The following THADA variants were observed in gnomAD, a reference collection of about 807,000 sequenced individuals.
THADA encodes tRNA (32-2'-O)-methyltransferase regulator THADA.
Under a neutral mutation model 219.8 loss-of-function variants are expected in THADA, and 213 were observed. The ratio of observed to expected loss-of-function variants is 0.97; its 90% CI spans 0.87 to 1.09. The LOEUF (loss-of-function observed/expected upper bound fraction) is 1.09, where lower values mean the gene tolerates loss of function less well. Ranked by LOEUF, THADA falls within the 50% of genes least tolerant of loss-of-function variation. THADA has a pLI of 0.00. For synonymous variants in THADA, 1,018 were observed against 828.9 expected (o/e 1.23, Z -3.92); for missense variants, 2,956 against 2,311.3 (o/e 1.28, Z -5.72).
At chr2:43,443,095 T>C (rs1488181459) in intron 26 of THADA, among the ~76,000 whole-genome samples, 1 of 152,184 alleles carries the variant, frequency 6.6e-6, no homozygotes, top group Non-Finnish European at 1.5e-5. Context: ...GTTTTCTTGC[T>C]TATTTTGCCC....
At chr2:43,592,169 G>T (rs1559040344) in intron 2 of THADA, 123 bp from the exon 3 acceptor site, 9 of 1,008,786 alleles carry the variant, frequency 8.9e-6, no homozygotes, top group Non-Finnish European at 1.3e-5. Flanking sequence ...ATAGTCTGAA[G>T]ACAGAATTTT....
At chr2:43,369,861 G>C (rs1033083284) in intron 29 of THADA, among the ~76,000 whole-genome samples, 7 of 152,182 alleles carry the variant, frequency 4.6e-5, no homozygotes, top group African/African-American at 1.7e-4. Flanking sequence ...GCCATGCTGT[G>C]AGTATGGACT....
chr2:43,260,163 G>A (rs1670779650), intron 36 of THADA, among the ~76,000 whole-genome samples: 1 of 152,134 alleles, frequency 6.6e-6, no homozygotes, highest in African/African-American at 2.4e-5. Context: ...TCGAACTCCT[G>A]AACTCAAGTG....
intron 29 of THADA, among the ~76,000 whole-genome samples, chr2:43,344,699 T>G (rs1025046394): frequency 1.2e-4 from 19 of 152,196 alleles, no homozygotes. Context: ...GCTAAAGAAG[T>G]AGGTCAAACT....
At chr2:43,567,084 AC>A (rs1259409565) in intron 14 of THADA, among the ~76,000 whole-genome samples, 1 of 133,456 alleles carries the variant, frequency 7.5e-6, no homozygotes, top group African/African-American at 3.0e-5. Context: ...AGATACGTAC[AC>A]TTTTTTTTTT....
At chr2:43,428,324 A>G (rs1320400620) in intron 27 of THADA, 93 bp from the exon 28 acceptor site, 1 of 1,291,942 alleles carries the variant, frequency 7.7e-7, no homozygotes, top group Admixed American at 2.2e-5. Flanking sequence ...AATTATGTAT[A>G]TGGCCGGGTG....
At chr2:43,575,427 G>A (rs1282921786) in intron 10 of THADA, among the ~76,000 whole-genome samples, 2 of 152,178 alleles carry the variant, frequency 1.3e-5, no homozygotes, top group Non-Finnish European at 2.9e-5. Flanking sequence ...CAGCCTGGGT[G>A]ACAAAGCGAG....
At position 43,428,166 on chromosome 2, in the gene THADA, T is replaced by C. The variant is rs1465352728; in HGVS notation, c.3992A>G (p.Tyr1331Cys). Residue 1331 changes from tyrosine to cysteine, a missense_variant, in exon 28 of 38, where the codon TAC (tyrosine) becomes TGC (cysteine). Transcript: ENST00000405975. ...FLLLLVLERLYASPMDGTSSA... is the reference protein window; with the variant it reads ...FLLLLVLERLCASPMDGTSSA... ...AGAAGTACCATCCATCGGGGAAGCG[T>C]AGAGTCTCTCCAACACCAAAAGTAA... 1 of 1,610,246 alleles carries C rather than the reference T, an allele frequency of 6.2e-7. No homozygotes were observed.
At chr2:43,248,022 G>A (rs898062525) in intron 36 of THADA, among the ~76,000 whole-genome samples, 36 of 150,798 alleles carry the variant, frequency 2.4e-4, no homozygotes, top group African/African-American at 8.3e-4. Context: ...CAGCCTGGGC[G>A]TCAGAGCAAA....
rs148238848 is a variant in THADA, at chr2:43,588,780, C to A, written c.303-1778G>T. ...ATTTAACAATATCTACCAAGAATTT[C>A]AATAGGCCTAATTTTTGGTCCAGAA... On this transcript the variant is annotated intron_variant, in intron 4 of 37. Coordinates refer to ENST00000405975, the MANE Select transcript of THADA (RefSeq NM_022065.5). 7.8e-4 allele frequency among the ~76,000 whole-genome samples: 119 copies of A among 152,088 alleles called. 1 individual carries two copies. Among genetic ancestry groups the A allele is most frequent in the African/African-American group, 2.8e-3 (115 of 41,520 alleles).
At chr2:43,566,618 T>G in intron 15 of THADA, 80 bp downstream of exon 15, 1 of 1,503,502 alleles carries the variant, frequency 6.7e-7, no homozygotes. Context: ...AAACTGAAAC[T>G]TCAAATAAAG....
chr2:43,432,655 G>T (rs1329654926), intron 26 of THADA, among the ~76,000 whole-genome samples: 1 of 152,070 alleles, frequency 6.6e-6, no homozygotes, highest in Admixed American at 6.5e-5. Flanking sequence ...GATTTCTGAT[G>T]GAGATTTCTA....
In THADA at chr2:43,246,519, CA is replaced by C. The variant is rs1159607547; in HGVS notation, c.5297-13638del. 2.0e-5 allele frequency among the ~76,000 whole-genome samples: 3 copies of C among 149,468 alleles called. No individual in the cohort carries two copies. In the South Asian group the frequency reaches 6.4e-4, roughly 32 times the overall value. ...AAAAACAAACAAACAAACAAACAAA[CA>C]AAAAAAAACAGAATCCAGAAAGTTC... is the stretch of plus-strand genomic sequence containing the variant. On this transcript the variant is annotated intron_variant, in intron 36 of 37. Transcript: ENST00000405975.
intron 22 of THADA, among the ~76,000 whole-genome samples, chr2:43,514,602 ATATATATTT>A (rs1236324068): frequency 1.0e-4 from 10 of 100,038 alleles, no homozygotes; most frequent in South Asian, 2.7e-4. Context: ...TGTATATTTT[ATATATATTT>A]TATATATTTT....
intron 1 of THADA, among the ~76,000 whole-genome samples, chr2:43,594,256 C>G (rs1019978163): frequency 5.3e-5 from 8 of 152,122 alleles, no homozygotes; most frequent in Non-Finnish European, 7.3e-5. Flanking sequence ...TTAAAACTTT[C>G]CAAGGGTTTC....
chr2:43,322,982 G>C (rs1678922477), intron 30 of THADA, among the ~76,000 whole-genome samples: 1 of 152,014 alleles, frequency 6.6e-6, no homozygotes, highest in Non-Finnish European at 1.5e-5. Context: ...CACCGCGCCA[G>C]GCTCTATTCT....
chr2:43,317,358 A>C (rs941657423), intron 31 of THADA, among the ~76,000 whole-genome samples: 1 of 152,226 alleles, frequency 6.6e-6, no homozygotes, highest in African/African-American at 2.4e-5. Context: ...GCATTTCATC[A>C]AACAGTTAAT....
At chr2:43,584,391 A>G (rs1240209463) in intron 7 of THADA, among the ~76,000 whole-genome samples, 3 of 152,164 alleles carry the variant, frequency 2.0e-5, no homozygotes, top group African/African-American at 7.2e-5. Flanking sequence ...GACATTATTA[A>G]GCAGTTCAAA....
intron 36 of THADA, among the ~76,000 whole-genome samples, chr2:43,266,877 C>T (rs1671586335): frequency 6.6e-6 from 1 of 152,178 alleles, no homozygotes; most frequent in Admixed American, 6.5e-5. Flanking sequence ...AGGCAGGGTG[C>T]CAAACTTGAG....
Sources: gnomAD v4.1 joint callset for allele counts (sites outside exome capture counted in the v4.1 genomes callset) on GRCh38, gnomAD v4.1.1 for gene constraint, MANE v1.5 for transcripts, NCBI Gene and HGNC (gene_info 2026-07-23, HGNC 2026-07-21) for gene names.